Variants in PLCH1 observed in about 807,000 individuals in gnomAD.
PLCH1 encodes 1-phosphatidylinositol 4,5-bisphosphate phosphodiesterase eta-1.
PLCH1 carries 60 observed loss-of-function variants against 126.7 expected under a neutral mutation model. The ratio of observed to expected loss-of-function variants is 0.47; its 90% CI spans 0.38 to 0.59. PLCH1 has a LOEUF of 0.59. PLCH1 is among the 20% of genes least tolerant of loss of function. The pLI, the probability that PLCH1 is intolerant of heterozygous loss-of-function variation, is 0.00. For synonymous variants in PLCH1, 719 were observed against 734.9 expected (o/e 0.98, Z 0.35); for missense variants, 1,723 against 2,040.0 (o/e 0.84, Z 2.99).
intron 2 of PLCH1, among the ~76,000 whole-genome samples, chr3:155,610,713 T>G (rs1734967477): frequency 6.6e-6 from 1 of 151,622 alleles, no homozygotes; most frequent in African/African-American, 2.4e-5. Context: ...TAAAAGGAGC[T>G]CTAAAACTTG....
chr3:155,702,196 A>G (rs1246967995), intron 2 of PLCH1, among the ~76,000 whole-genome samples: 3 of 152,224 alleles, frequency 2.0e-5, no homozygotes, highest in East Asian at 1.9e-4. Flanking sequence ...ACAGCCTCAA[A>G]AATCATTGAG....
rs1335038267 is a variant in PLCH1, at chr3:155,514,723, C to A, written c.1632G>T (p.Gln544His). Residue 544 changes from glutamine to histidine, a missense_variant and splice_region_variant, in exon 12 of 23, where the codon CAG (glutamine) becomes CAT (histidine). Gln to His is a conservative substitution (Grantham distance 24). Around this residue, in one of 2 missense-constraint regions of PLCH1, gnomAD observed 776 missense variants for 1,062.9 expected, o/e 0.73. Coordinates refer to ENST00000460012, the MANE Select transcript of PLCH1 (RefSeq NM_014996.4). ...THEGLNAHLK[Q>H]SPDVKESGKK... is the part of the protein sequence containing the mutation. The stretch of plus-strand genomic sequence containing the variant: ...ATAAGTACAAGAGGGAATCAGATAC[C>A]TGCTTCAGGTGTGCATTTAAGCCTT... 2 of 1,527,230 alleles carry A rather than the reference C, an allele frequency of 1.3e-6. No homozygotes were observed. Among genetic ancestry groups the A allele is most frequent in the African/African-American group, 2.8e-5 (2 of 72,228 alleles). The allele number at this position is 1,527,230 out of a possible 1,614,324, so 94.6% of individuals were successfully genotyped here. A position where few individuals can be genotyped will look rare whatever the true frequency, so the allele number is the denominator to read the frequency against.
chr3:155,582,744 C>CTAATATA (rs1263303843), intron 6 of PLCH1, among the ~76,000 whole-genome samples: 1 of 151,962 alleles, frequency 6.6e-6, no homozygotes, highest in Non-Finnish European at 1.5e-5. Flanking sequence ...CTCAAGAAGT[C>CTAATATA]TAATATAAAA....
chr3:155,546,738 G>A (rs370789495), intron 10 of PLCH1, among the ~76,000 whole-genome samples: 6 of 148,968 alleles, frequency 4.0e-5, no homozygotes, highest in East Asian at 1.9e-4. Context: ...AACGCCCCAT[G>A]TCTACAACTA....
intron 2 of PLCH1, among the ~76,000 whole-genome samples, chr3:155,626,768 C>CAAAAAAAAAAAAAAA (rs71155058): frequency 6.0e-5 from 3 of 49,652 alleles, no homozygotes; most frequent in Non-Finnish European, 8.0e-5. Flanking sequence ...GACTCCGTCT[C>CAAAAAAAAAAAAAAA]AAAAAAAAAA....
chr3:155,628,159 C>A (rs1255879383), intron 2 of PLCH1, among the ~76,000 whole-genome samples: 1 of 151,780 alleles, frequency 6.6e-6, no homozygotes, highest in Non-Finnish European at 1.5e-5. Flanking sequence ...CATAAATATA[C>A]ACTATATAAA....
At chr3:155,693,892 C>T (rs972914515) in intron 2 of PLCH1, among the ~76,000 whole-genome samples, 18 of 151,562 alleles carry the variant, frequency 1.2e-4, no homozygotes, top group East Asian at 9.7e-4. Context: ...ATGGGGCCAT[C>T]GCACTCCAGC....
At position 155,482,281 on chromosome 3, in the gene PLCH1, C is replaced by G; in HGVS notation, c.3745G>C (p.Glu1249Gln). 6.2e-7 allele frequency: 1 copy of G among 1,614,136 alleles called. No homozygotes were observed. Among genetic ancestry groups the G allele is most frequent in the Non-Finnish European group, 8.5e-7 (1 of 1,180,032 alleles). Residue 1249 changes from glutamate (E) to glutamine (Q), a missense_variant, in exon 23 of 23, where the codon GAG becomes CAG. Glu to Gln is a conservative substitution (Grantham distance 29). Transcript: ENST00000460012. The part of the protein sequence containing the change: ...SKSSFLCSSP[E>Q]LIALSSSETT... Reference sequence around the variant, plus strand: ...TCAGAACTCGAGAGTGCTATCAGCTCCGGAGATGAGCACAGGAAGGAAGAC... The same window carrying G: ...TCAGAACTCGAGAGTGCTATCAGCTGCGGAGATGAGCACAGGAAGGAAGAC...
chr3:155,476,428 C>A (rs569572895), downstream of PLCH1, among the ~76,000 whole-genome samples: 1 of 152,070 alleles, frequency 6.6e-6, no homozygotes, highest in East Asian at 1.9e-4. Flanking sequence ...CACCATAGTA[C>A]TGAAAGTTCT....
chr3:155,725,564 C>T (rs1268020838), intron 1 of PLCH1, among the ~76,000 whole-genome samples: 1 of 151,986 alleles, frequency 6.6e-6, no homozygotes. Flanking sequence ...TCTCCTACCT[C>T]ATCCTCCAGA....
At chr3:155,501,211 TGTA>T (rs1717840349) in intron 13 of PLCH1, among the ~76,000 whole-genome samples, 1 of 152,182 alleles carries the variant, frequency 6.6e-6, no homozygotes, top group Admixed American at 6.5e-5. Context: ...AGAAAGGACA[TGTA>T]GTAACTTTTA....
chr3:155,647,532 C>A (rs1460747420), intron 2 of PLCH1, among the ~76,000 whole-genome samples: 1 of 151,760 alleles, frequency 6.6e-6, no homozygotes, highest in African/African-American at 2.4e-5. Context: ...TTAGATCAGA[C>A]AGAAAAAAGA....
intron 2 of PLCH1, among the ~76,000 whole-genome samples, chr3:155,675,772 C>G (rs1490631970): frequency 6.6e-6 from 1 of 152,016 alleles, no homozygotes; most frequent in African/African-American, 2.4e-5. Flanking sequence ...TTTCAGTTTG[C>G]CAGCATGCAA....
At chr3:155,502,888 C>G (rs1718113731) in intron 13 of PLCH1, among the ~76,000 whole-genome samples, 1 of 152,134 alleles carries the variant, frequency 6.6e-6, no homozygotes, top group African/African-American at 2.4e-5. Flanking sequence ...ATCTGACTAG[C>G]CTACTAACAA....
chr3:155,505,614 G>A (rs1560083299), intron 12 of PLCH1, among the ~76,000 whole-genome samples: 1 of 152,210 alleles, frequency 6.6e-6, no homozygotes. Flanking sequence ...ATTGGGTGGA[G>A]TCCAAGAACT....
chr3:155,629,305 C>T (rs982787040), intron 2 of PLCH1, among the ~76,000 whole-genome samples: 10 of 152,098 alleles, frequency 6.6e-5, no homozygotes, highest in Non-Finnish European at 4.4e-5. Flanking sequence ...AAGGAATTTG[C>T]GTTTCTACAC....
intron 12 of PLCH1, among the ~76,000 whole-genome samples, chr3:155,505,075 T>TGGATC (rs1472019869): frequency 3.3e-5 from 5 of 152,210 alleles, no homozygotes; most frequent in African/African-American, 1.2e-4. Context: ...ATAAAGAAAG[T>TGGATC]GGATCACATT....
chr3:155,616,866 G>A (rs1197282186), intron 2 of PLCH1, among the ~76,000 whole-genome samples: 1 of 152,066 alleles, frequency 6.6e-6, no homozygotes, highest in Non-Finnish European at 1.5e-5. Context: ...TTAAACCTTT[G>A]ATATGTGACA....
chr3:155,537,201 C>CAAAAAAAAAAAAAAAAA (rs1560128167), intron 10 of PLCH1, among the ~76,000 whole-genome samples: 9 of 132,106 alleles, frequency 6.8e-5, no homozygotes, highest in African/African-American at 2.7e-4. Context: ...AAAAAAAAAA[C>CAAAAAAAAAAAAAAAAA]CAAAAAAAAA....
Sources: allele counts gnomAD v4.1 joint callset (sites outside exome capture counted in the v4.1 genomes callset), GRCh38; gene constraint gnomAD v4.1.1; regional missense constraint gnomAD v4.1.1; transcripts MANE v1.5; gene names NCBI Gene and HGNC (gene_info 2026-07-23, HGNC 2026-07-21).